The following HS3ST2 variants were observed in gnomAD, a reference collection of about 807,000 sequenced individuals.
HS3ST2 encodes heparan sulfate glucosamine 3-O-sulfotransferase 2.
A neutral mutation model predicts 26.3 loss-of-function variants in HS3ST2; 17 were observed. The ratio of observed to expected loss-of-function variants is 0.65; its 90% CI spans 0.44 to 0.97. The LOEUF is 0.97. Among genes scored for constraint, HS3ST2 ranks in the 50% least tolerant of loss-of-function variants. The pLI, the probability that HS3ST2 is intolerant of heterozygous loss-of-function variation, is 0.00. For missense variants in HS3ST2, 402 were observed against 501.2 expected, an observed-to-expected ratio of 0.80 and a Z score of 1.89; for synonymous variants, 237 against 219.2, an observed-to-expected ratio of 1.08 and a Z score of -0.72.
chr16:22,874,906 C>A (rs1901892239), intron 1 of HS3ST2, among the ~76,000 whole-genome samples: 1 of 152,164 alleles, frequency 6.6e-6, no homozygotes, highest in Non-Finnish European at 1.5e-5. Context: ...GAGGGTCAAT[C>A]CCAAATCACA....
At chr16:22,902,050 T>C (rs1240067020) in intron 1 of HS3ST2, among the ~76,000 whole-genome samples, 1 of 152,200 alleles carries the variant, frequency 6.6e-6, no homozygotes, top group East Asian at 1.9e-4. Context: ...CTGTTAAATG[T>C]ATTGTGTATC....
At chr16:22,846,790 A>T (rs900101947) in intron 1 of HS3ST2, among the ~76,000 whole-genome samples, 1 of 152,042 alleles carries the variant, frequency 6.6e-6, no homozygotes, top group African/African-American at 2.4e-5. Context: ...AGTCTCATAA[A>T]CCTTAATGTA....
intron 1 of HS3ST2, among the ~76,000 whole-genome samples, chr16:22,865,820 G>A (rs1901742249): frequency 1.3e-5 from 2 of 152,270 alleles, no homozygotes; most frequent in Admixed American, 1.3e-4. Flanking sequence ...AAGGTGGGGG[G>A]AAAATGTGTA....
At chr16:22,908,548 C>T (rs1234501342) in intron 1 of HS3ST2, among the ~76,000 whole-genome samples, 1 of 152,136 alleles carries the variant, frequency 6.6e-6, no homozygotes, top group Non-Finnish European at 1.5e-5. Flanking sequence ...TGGTGAGGAC[C>T]TTCTTGCTGT....
In HS3ST2 at chr16:22,814,658, G is replaced by T; in HGVS notation, c.48G>T (p.Arg16Ser). ...LGRAGPPQPRRARRLLFAFTL... is the reference protein window; with the variant it reads ...LGRAGPPQPRSARRLLFAFTL... ...GCGCGGGGCCACCTCAGCCGCGGAGGGCGCGCAGGCTGCTCTTCGCCTTCA... is the reference window on the plus strand; with the variant it reads ...GCGCGGGGCCACCTCAGCCGCGGAGTGCGCGCAGGCTGCTCTTCGCCTTCA... The change falls in exon 1 of 2, where the codon AGG (arginine) becomes AGT (serine). Residue 16 changes from arginine (R) to serine (S), a missense_variant. Physicochemically the swap from Arg to Ser is moderately radical, Grantham distance 110 (BLOSUM62 -1). This residue lies in a region of HS3ST2 where 165 missense variants were observed against 154.6 expected (regional missense o/e 1.07). Coordinates refer to ENST00000261374, the MANE Select transcript of HS3ST2 (RefSeq NM_006043.2). 6.4e-7 allele frequency: 1 copy of T among 1,568,488 alleles called. No homozygotes were observed. Among genetic ancestry groups the T allele is most frequent in the Non-Finnish European group, 8.6e-7 (1 of 1,158,374 alleles).
chr16:22,871,036 A>G (rs1475953769), intron 1 of HS3ST2, among the ~76,000 whole-genome samples: 1 of 152,168 alleles, frequency 6.6e-6, no homozygotes, highest in Admixed American at 6.6e-5. Flanking sequence ...AATAAGTCAC[A>G]TGAGCTATTC....
intron 1 of HS3ST2, among the ~76,000 whole-genome samples, chr16:22,851,524 G>T (rs575096722): frequency 1.6e-4 from 25 of 152,306 alleles, no homozygotes; most frequent in African/African-American, 6.0e-4. Flanking sequence ...CCTCACTGGA[G>T]TGGTATAGCC....
At chr16:22,866,329 A>G (rs7201561) in intron 1 of HS3ST2, among the ~76,000 whole-genome samples, 11,145 of 129,190 alleles carry the variant, frequency 0.086, 728 homozygotes, top group East Asian at 0.36. Context: ...GCGCGCGCGC[A>G]CACACACACA....
chr16:22,833,141 CTA>C (rs1901199546), intron 1 of HS3ST2: 1 of 437,414 alleles, frequency 2.3e-6, no homozygotes, highest in Non-Finnish European at 4.6e-6. Flanking sequence ...GACACAGAGA[CTA>C]TGTCTATGAC....
chr16:22,879,675 C>T (rs779034222), intron 1 of HS3ST2, among the ~76,000 whole-genome samples: 6 of 152,138 alleles, frequency 3.9e-5, no homozygotes, highest in Non-Finnish European at 5.9e-5. Flanking sequence ...AGCATTAATG[C>T]GGCTGCACAC....
chr16:22,848,703 C>G (rs1186892614), intron 1 of HS3ST2, among the ~76,000 whole-genome samples: 1 of 152,200 alleles, frequency 6.6e-6, no homozygotes, highest in Non-Finnish European at 1.5e-5. Context: ...CCCTGCTGGT[C>G]TCTTGGAAAA....
intron 1 of HS3ST2, among the ~76,000 whole-genome samples, chr16:22,858,017 A>G (rs952536009): frequency 1.3e-5 from 2 of 152,054 alleles, no homozygotes; most frequent in African/African-American, 4.8e-5. Context: ...TGATGTCTAC[A>G]GTGTGCCAGC....
intron 1 of HS3ST2, among the ~76,000 whole-genome samples, chr16:22,892,722 T>C (rs1193403191): frequency 3.3e-5 from 5 of 152,186 alleles, no homozygotes; most frequent in Admixed American, 6.5e-5. Flanking sequence ...TTTAAACTTA[T>C]CTGCAATCCA....
intron 1 of HS3ST2, among the ~76,000 whole-genome samples, chr16:22,846,383 T>C (rs952765349): frequency 6.6e-6 from 1 of 152,176 alleles, no homozygotes; most frequent in African/African-American, 2.4e-5. Flanking sequence ...GCAAACCCTT[T>C]CTTTGCTCTC....
intron 1 of HS3ST2, among the ~76,000 whole-genome samples, chr16:22,880,000 A>G (rs1212123018): frequency 2.0e-5 from 3 of 152,228 alleles, no homozygotes; most frequent in African/African-American, 7.2e-5. Flanking sequence ...ATCTCCATAA[A>G]GCACAGAGCT....
intron 1 of HS3ST2, among the ~76,000 whole-genome samples, chr16:22,845,139 C>A (rs1301509583): frequency 6.8e-6 from 1 of 147,942 alleles, no homozygotes; most frequent in Non-Finnish European, 1.5e-5. Context: ...CAGGCGTGAG[C>A]CACTGCGCCT....
At chr16:22,891,013 G>A (rs940164090) in intron 1 of HS3ST2, among the ~76,000 whole-genome samples, 3 of 152,188 alleles carry the variant, frequency 2.0e-5, no homozygotes, top group East Asian at 1.9e-4. Context: ...TTGCTGATGA[G>A]GATTCTGTTT....
chr16:22,821,098 AT>A (rs1900984435), intron 1 of HS3ST2, among the ~76,000 whole-genome samples: 1 of 151,942 alleles, frequency 6.6e-6, no homozygotes, highest in Non-Finnish European at 1.5e-5. Context: ...AGCTGGATTC[AT>A]TTTATATTTT....
At chr16:22,871,199 T>C (rs879714458) in intron 1 of HS3ST2, among the ~76,000 whole-genome samples, 38 of 151,954 alleles carry the variant, frequency 2.5e-4, no homozygotes, top group Admixed American at 4.6e-4. Context: ...CTACTAAAAA[T>C]ACAAAAATTA....
Sources: allele counts gnomAD v4.1 joint callset (sites outside exome capture counted in the v4.1 genomes callset), GRCh38; gene constraint gnomAD v4.1.1; regional missense constraint gnomAD v4.1.1; transcripts MANE v1.5; gene names NCBI Gene and HGNC (gene_info 2026-07-23, HGNC 2026-07-21).